Variants in AGXT2 observed in about 807,000 individuals in gnomAD.
AGXT2 encodes alanine--glyoxylate aminotransferase 2.
In AGXT2, 61 loss-of-function variants were observed where a neutral mutation model predicts 62.5. The ratio of observed to expected loss-of-function variants is 0.98; its 90% CI spans 0.79 to 1.21. AGXT2 has a LOEUF of 1.21. Ranked by LOEUF, AGXT2 falls within the 50% of genes most tolerant of loss-of-function variation. AGXT2 has a pLI of 0.00. For missense variants in AGXT2, 666 were observed against 641.5 expected (o/e 1.04, Z -0.41); for synonymous variants, 243 against 218.7 (o/e 1.11, Z -0.98).
intron 7 of AGXT2, among the ~76,000 whole-genome samples, chr5:35,031,955 T>TA (rs1767575583): frequency 7.0e-6 from 1 of 142,094 alleles, no homozygotes. Flanking sequence ...TTTTTTTTTT[T>TA]TTTTTTTTTT....
rs750325645 is a variant in AGXT2 at position 34,998,771 on chromosome 5, A to G, written c.1493T>C (p.Val498Ala). ...CITKPEVDFA[V>A]EVFRSALTQH... Reference sequence around the variant, plus strand: ...GGTTAAGGCAGAACGAAATACTTCTACTGCAAAATCAACTTCTGGTTTAGT... The same window carrying G: ...GGTTAAGGCAGAACGAAATACTTCTGCTGCAAAATCAACTTCTGGTTTAGT... The change falls in exon 14 of 14, where the codon GTA becomes GCA. Residue 498 changes from valine (V) to alanine (A), a missense_variant. Physicochemically the swap from Val to Ala is moderately conservative, Grantham distance 64. Coordinates refer to ENST00000231420, the MANE Select transcript of AGXT2 (RefSeq NM_031900.4). 82 of 1,614,060 alleles carry G rather than the reference A, an allele frequency of 5.1e-5. No individual in the cohort carries two copies. The highest frequency in any genetic ancestry group is 6.9e-5 in the Non-Finnish European group (81 of 1,179,994).
intron 9 of AGXT2, among the ~76,000 whole-genome samples, chr5:35,022,140 T>C (rs957752752): frequency 6.6e-6 from 1 of 152,158 alleles, no homozygotes; most frequent in African/African-American, 2.4e-5. Context: ...TGTAAACTAG[T>C]TCAACCATTG....
intron 11 of AGXT2, among the ~76,000 whole-genome samples, chr5:35,010,427 C>A (rs564640856): frequency 3.5e-4 from 54 of 152,240 alleles, no homozygotes; most frequent in East Asian, 1.2e-3. Context: ...CACCTGTAAT[C>A]CCAGCACTTT....
chr5:35,026,454 A>T lies in AGXT2; in HGVS notation c.826T>A (p.Ser276Thr), dbSNP rs1440540609. 6.2e-7 allele frequency: 1 copy of T among 1,614,038 alleles called. No individual in the cohort carries two copies. Among genetic ancestry groups the T allele is most frequent in the African/African-American group, 1.3e-5 (1 of 74,944 alleles). Residue 276 changes from serine (S) to threonine (T), a missense_variant, in exon 8 of 14, where the codon TCT (serine) becomes ACT (threonine). Physicochemically the swap from Ser to Thr is moderately conservative, Grantham distance 58 (BLOSUM62 1). Coordinates refer to ENST00000231420, the MANE Select transcript of AGXT2 (RefSeq NM_031900.4). ...IEQFKDTLSTSVAKSIAGFFA... is the reference protein window; with the variant it reads ...IEQFKDTLSTTVAKSIAGFFA... ...AATCCAGCAATTGACTTGGCCACAGATGTGCTCAGCGTATCTTTGAATTGC... is the reference window on the plus strand; with the variant it reads ...AATCCAGCAATTGACTTGGCCACAGTTGTGCTCAGCGTATCTTTGAATTGC...
intron 2 of AGXT2, 97 bp from the exon 3 acceptor site, chr5:35,039,605 A>G: frequency 1.5e-6 from 2 of 1,337,872 alleles, no homozygotes; most frequent in Non-Finnish European, 1.1e-6. Context: ...TGGACAGAGA[A>G]GAGGGCTGCT....
intron 4 of AGXT2, 63 bp from the exon 5 acceptor site, chr5:35,035,379 A>G: frequency 7.0e-7 from 1 of 1,423,380 alleles, no homozygotes; most frequent in Admixed American, 1.7e-5. Flanking sequence ...TTCACTTAAA[A>G]TTGCTGAAGG....
chr5:35,028,491 C>G (rs1767440251), intron 7 of AGXT2, among the ~76,000 whole-genome samples: 1 of 150,878 alleles, frequency 6.6e-6, no homozygotes, highest in African/African-American at 2.4e-5. Flanking sequence ...CAGACTTGCC[C>G]AAGCTCCAGA....
intron 10 of AGXT2, 78 bp from the exon 11 acceptor site, chr5:35,013,123 A>G: frequency 7.9e-7 from 1 of 1,263,330 alleles, no homozygotes; most frequent in Non-Finnish European, 1.1e-6. Context: ...TTTGGACTAC[A>G]GTTACTTCGT....
intron 9 of AGXT2, among the ~76,000 whole-genome samples, chr5:35,019,941 C>A (rs1465232494): frequency 1.2e-4 from 19 of 152,192 alleles, no homozygotes; most frequent in East Asian, 7.7e-4. Flanking sequence ...AATACTACAA[C>A]CACCTCTATG....
rs1436963401 is a variant in AGXT2, at chr5:35,032,873, G to C, written c.676-48C>G. 5 of 1,495,722 alleles carry C rather than the reference G, an allele frequency of 3.3e-6. No individual in the cohort carries two copies. In the African/African-American group the frequency reaches 6.9e-5, roughly 21 times the overall value. 92.7% of individuals were successfully genotyped at this position (1,495,722 alleles called of 1,614,324 possible). On this transcript the variant is annotated intron_variant, in intron 6 of 13. Transcript: ENST00000231420. ...TGTGGCAAAGCATGAACACAAGACA[G>C]CCAAGTTAGGGTAGCATATGGCTGC...
Position 35,035,212 on chromosome 5 carries a change from T to C in AGXT2, c.581+10A>G. On this transcript the variant is annotated intron_variant, in intron 5 of 13. Coordinates refer to ENST00000231420, the MANE Select transcript of AGXT2 (RefSeq NM_031900.4). The stretch of plus-strand genomic sequence containing the variant: ...TGTTCCTAAAGTTGAATATTCCAAG[T>C]TGTGATTACCTGAAAGAAATGATGT... The C allele has an allele frequency of 6.2e-7, 1 of 1,612,454 alleles. No homozygotes were observed. The highest frequency in any genetic ancestry group is 8.5e-7 in the Non-Finnish European group (1 of 1,178,448).
chr5:35,012,690 T>A, intron 11 of AGXT2: 1 of 457,894 alleles, frequency 2.2e-6, no homozygotes, highest in Non-Finnish European at 4.0e-6. Context: ...CAAAGAAATT[T>A]CAGCTGGCTA....
intron 10 of AGXT2, among the ~76,000 whole-genome samples, chr5:35,013,391 A>G (rs902908978): frequency 3.3e-5 from 5 of 152,196 alleles, no homozygotes; most frequent in Non-Finnish European, 5.9e-5. Flanking sequence ...TCCTCTTTCC[A>G]TCTTCTCTCC....
chr5:35,021,392 A>G (rs1199820331), intron 9 of AGXT2, among the ~76,000 whole-genome samples: 18 of 151,528 alleles, frequency 1.2e-4, no homozygotes, highest in Non-Finnish European at 2.2e-4. Context: ...TCAATGGAAC[A>G]GAACAGAGCC....
intron 9 of AGXT2, among the ~76,000 whole-genome samples, chr5:35,019,961 T>C (rs1767003849): frequency 1.3e-5 from 2 of 152,302 alleles, no homozygotes; most frequent in Admixed American, 6.5e-5. Flanking sequence ...GCAAATAAAC[T>C]AGAAAATCTA....
intron 2 of AGXT2, 86 bp from the exon 3 acceptor site, chr5:35,039,594 G>T: frequency 7.0e-7 from 1 of 1,424,298 alleles, no homozygotes; most frequent in Non-Finnish European, 9.8e-7. Context: ...AGGCTCTCTA[G>T]TGGACAGAGA....
intron 3 of AGXT2, among the ~76,000 whole-genome samples, chr5:35,038,607 C>T (rs1180083079): frequency 6.6e-6 from 1 of 152,180 alleles, no homozygotes; most frequent in African/African-American, 2.4e-5. Flanking sequence ...GACTCTTTGC[C>T]TCCTGCTTTG....
intron 12 of AGXT2, among the ~76,000 whole-genome samples, chr5:35,008,491 C>T (rs1766512630): frequency 6.6e-6 from 1 of 152,222 alleles, no homozygotes; most frequent in Admixed American, 6.5e-5. Context: ...TTAGGATGAA[C>T]TCTTCTGAAC....
At chr5:35,026,874 AT>A in intron 7 of AGXT2, 3 of 985,368 alleles carry the variant, frequency 3.0e-6, no homozygotes, top group Non-Finnish European at 3.6e-6. Flanking sequence ...TTCAAATGTA[AT>A]TAGAGCGATT....
Sources: allele counts gnomAD v4.1 joint callset (sites outside exome capture counted in the v4.1 genomes callset), GRCh38; gene constraint gnomAD v4.1.1; transcripts MANE v1.5; gene names NCBI Gene and HGNC (gene_info 2026-07-23, HGNC 2026-07-21).